RHPN1: variants seen among roughly 807,000 people sequenced by gnomAD.
RHPN1 encodes rhophilin Rho GTPase binding protein 1, also known as rhophilin-1.
In RHPN1, 77 loss-of-function variants were observed where a neutral mutation model predicts 74.7. The ratio of observed to expected loss-of-function variants is 1.03; its 90% confidence interval spans 0.86 to 1.25. The LOEUF is 1.25. RHPN1 is among the 50% of genes most tolerant of loss of function. The probability of loss-of-function intolerance (pLI) is 0.00; values close to 1 mark genes in which losing one functional copy is unlikely to be tolerated. For missense variants in RHPN1, 987 were observed against 932.2 expected, an observed-to-expected ratio of 1.06 and a Z score of -0.77; for synonymous variants, 444 against 414.5, an observed-to-expected ratio of 1.07 and a Z score of -0.87.
intron 10 of RHPN1, 42 bp from the exon 11 acceptor site, chr8:143,380,547 C>A (rs890876885): frequency 1.4e-6 from 2 of 1,429,642 alleles, no homozygotes; most frequent in Non-Finnish European, 1.8e-6. Flanking sequence ...CCAGGGCCCA[C>A]GGGCCCACAT....
In RHPN1 at chr8:143,379,827, A is replaced by G; in HGVS notation, c.946-2A>G. 1 of 1,606,832 alleles carries G rather than the reference A, an allele frequency of 6.2e-7. No individual in the cohort carries two copies. The highest frequency in any genetic ancestry group is 8.5e-7 in the Non-Finnish European group (1 of 1,176,888). On this transcript the variant is annotated splice_acceptor_variant, in intron 8 of 14. Transcript: ENST00000289013. LOFTEE classifies it high-confidence loss of function. Reference sequence around the variant, plus strand: ...TCGCGTGCCTGCCACATCCACCGGCAGGTGGCAGCCGAGTACAGGCTAGTG... The same window carrying G: ...TCGCGTGCCTGCCACATCCACCGGCGGGTGGCAGCCGAGTACAGGCTAGTG...
chr8:143,381,420 A>C, intron 12 of RHPN1, 76 bp downstream of exon 12: 2 of 1,474,806 alleles, frequency 1.4e-6, no homozygotes, highest in Non-Finnish European at 1.8e-6. Context: ...ACATGGCCTC[A>C]GACAGGCCAT....
chr8:143,380,341 G>T, intron 10 of RHPN1, 166 bp downstream of exon 10: 1 of 682,582 alleles, frequency 1.5e-6, no homozygotes, highest in Admixed American at 3.0e-5. Context: ...ACGGCCCAGC[G>T]CAGGGGCCCC....
intron 5 of RHPN1, 124 bp from the exon 6 acceptor site, chr8:143,378,571 GC>G: frequency 7.6e-7 from 1 of 1,322,912 alleles, no homozygotes. Context: ...AGTCACGGCT[GC>G]CCAGGGCCCC....
rs1441067502 is a variant in RHPN1, at chr8:143,379,054, A to C, written c.727A>C (p.Met243Leu). The C allele has an allele frequency of 6.5e-7, 1 of 1,533,746 alleles. No individual in the cohort carries two copies. Among genetic ancestry groups the C allele is most frequent in the East Asian group, 2.5e-5 (1 of 40,640 alleles). Residue 243 changes from methionine to leucine, a missense_variant, in exon 7 of 15, where the codon ATG becomes CTG. By Grantham distance (15) the Met-to-Leu change is conservative (BLOSUM62 2). Transcript: ENST00000289013. ...RSCTEGARRAMEAFQRAAGAF... is the reference protein window; with the variant it reads ...RSCTEGARRALEAFQRAAGAF... ...CTGCACCGAGGGTGCCCGCCGCGCT[A>C]TGGAGGCCTTCCAGAGGGCCGCTGG...
chr8:143,380,581 G>T lies in RHPN1; in HGVS notation c.1217-8G>T. On this transcript the variant is annotated splice_region_variant and splice_polypyrimidine_tract_variant and intron_variant, in intron 10 of 14. Coordinates refer to ENST00000289013, the MANE Select transcript of RHPN1 (RefSeq NM_052924.3). The stretch of plus-strand genomic sequence containing the variant: ...ATGGTGTGTGACATCCCAGTGCCCC[G>T]CGTGCAGGCAAGGCACACCTGAAGC... 6.7e-7 allele frequency: 1 copy of T among 1,488,820 alleles called. No individual in the cohort carries two copies. Among genetic ancestry groups the T allele is most frequent in the Non-Finnish European group, 9.0e-7 (1 of 1,114,900 alleles). The allele number at this position is 1,488,820 out of a possible 1,614,324, so 92.2% of individuals were successfully genotyped here.
chr8:143,378,356 T>TCGGGGGGGGGG lies in RHPN1; in HGVS notation c.459+11_459+12insGGGGGGGGGGC. 28 of 1,525,362 alleles carry TCGGGGGGGGGG rather than the reference T, an allele frequency of 1.8e-5. No homozygotes were observed. Among genetic ancestry groups the TCGGGGGGGGGG allele is most frequent in the Non-Finnish European group, 2.4e-5 (27 of 1,136,276 alleles). The allele number at this position is 1,525,362 out of a possible 1,614,324, so 94.5% of individuals were successfully genotyped here. On this transcript the variant is annotated intron_variant, in intron 5 of 14. Transcript: ENST00000289013. ...GGAGGCCCTGCGGCAGGTGTGTGGT[T>TCGGGGGGGGGG]CCCCCGCCCACCCACCCTCCTGCAG...
intron 4 of RHPN1, 124 bp downstream of exon 4, chr8:143,377,579 G>A: frequency 1.5e-6 from 1 of 668,234 alleles, no homozygotes; most frequent in South Asian, 2.0e-5. Flanking sequence ...GAGGGAGGGA[G>A]GCTTAAAAGG....
intron 2 of RHPN1, among the ~76,000 whole-genome samples, chr8:143,376,252 G>A (rs1292664869): frequency 1.4e-4 from 22 of 152,244 alleles, no homozygotes; most frequent in Admixed American, 1.4e-3. Flanking sequence ...GAGCCCCAAA[G>A]AAAGCCGTGG....
upstream of RHPN1, chr8:143,366,527 A>ACACACACG (rs1453472929): frequency 6.3e-4 from 95 of 150,968 alleles, 1 homozygote; most frequent in African/African-American, 2.2e-3. Context: ...ACACACACAC[A>ACACACACG]CACACGCACA....
At position 143,379,883 on chromosome 8, in the gene RHPN1, G is replaced by T. The variant is rs756435885; in HGVS notation, c.1000G>T (p.Asp334Tyr). Reference sequence around the variant, plus strand: ...GACCATGGCCCAGCCACCCGTCCACGACTACGTGCCTGTCTCCTGGACTGC... The same window carrying T: ...GACCATGGCCCAGCCACCCGTCCACTACTACGTGCCTGTCTCCTGGACTGC... The part of the protein sequence containing the change: ...HRTMAQPPVH[D>Y]YVPVSWTALV... The change falls in exon 9 of 15, where the codon GAC becomes TAC. Residue 334 changes from aspartate (D) to tyrosine (Y), a missense_variant. By Grantham distance (160) the Asp-to-Tyr change is radical. Coordinates refer to ENST00000289013, the MANE Select transcript of RHPN1 (RefSeq NM_052924.3). 3 of 1,610,450 alleles carry T rather than the reference G, an allele frequency of 1.9e-6. No homozygotes were observed. The highest frequency in any genetic ancestry group is 1.7e-6 in the Non-Finnish European group (2 of 1,178,848).
At chr8:143,370,636 C>T (rs1427730152) in intron 1 of RHPN1, among the ~76,000 whole-genome samples, 2 of 152,266 alleles carry the variant, frequency 1.3e-5, no homozygotes, top group Admixed American at 6.5e-5. Flanking sequence ...GGTGCCAGGG[C>T]CAGTGCTACA....
rs1166327101 is a variant in RHPN1 at position 143,381,951 on chromosome 8, T to A, written c.1780T>A (p.Ser594Thr). 24 of 1,601,222 alleles carry A rather than the reference T, an allele frequency of 1.5e-5. No homozygotes were observed. Among genetic ancestry groups the A allele is most frequent in the Non-Finnish European group, 2.0e-5 (23 of 1,174,036 alleles). Residue 594 changes from serine (S) to threonine (T), a missense_variant, in exon 14 of 15, where the codon TCT (serine) becomes ACT (threonine). Physicochemically the swap from Ser to Thr is moderately conservative, Grantham distance 58 (BLOSUM62 1). Coordinates refer to ENST00000289013, the MANE Select transcript of RHPN1 (RefSeq NM_052924.3). Reference protein sequence around the residue: ...SLQVVSLLPSSRLPSLGDRRP... With the variant: ...SLQVVSLLPSTRLPSLGDRRP... ...GCAGGTGGTGTCGCTGCTGCCCAGC[T>A]CTAGACTGCCCAGCTTGGTGAGCCC... is the stretch of plus-strand genomic sequence containing the variant.
rs146770345 is a variant in RHPN1, at chr8:143,371,005, T to G, written c.60+1958T>G. On this transcript the variant is annotated intron_variant, in intron 1 of 14. Coordinates refer to ENST00000289013, the MANE Select transcript of RHPN1 (RefSeq NM_052924.3). ...TCAGCCTGAGGTTCCCCAGCCTGGCTGGACAGGAGCACCCTCTGGGTGCTG... is the reference window on the plus strand; with the variant it reads ...TCAGCCTGAGGTTCCCCAGCCTGGCGGGACAGGAGCACCCTCTGGGTGCTG... Among the ~76,000 whole-genome samples the G allele has an allele frequency of 4.1e-3, 625 of 152,236 alleles. 4 individuals carry two copies. Among genetic ancestry groups the G allele is most frequent in the Non-Finnish European group, 5.6e-3 (380 of 67,976 alleles).
chr8:143,381,411 C>T (rs925961565), intron 12 of RHPN1, 67 bp downstream of exon 12: 4 of 1,503,834 alleles, frequency 2.7e-6, no homozygotes, highest in Non-Finnish European at 3.6e-6. Flanking sequence ...CTGACCAGCA[C>T]ATGGCCTCAG....
intron 4 of RHPN1, among the ~76,000 whole-genome samples, chr8:143,377,833 A>G (rs1818385733): frequency 1.3e-5 from 2 of 152,178 alleles, no homozygotes; most frequent in South Asian, 4.1e-4. Flanking sequence ...CTGGCTCACG[A>G]GGGTCCTGGG....
intron 1 of RHPN1, among the ~76,000 whole-genome samples, chr8:143,371,774 G>A (rs1817836923): frequency 6.6e-6 from 1 of 152,228 alleles, no homozygotes; most frequent in Non-Finnish European, 1.5e-5. Flanking sequence ...GGCCACAGTG[G>A]GGTGTCAGGG....
At chr8:143,368,425 C>G (rs778757769), upstream of RHPN1, 2 of 152,542 alleles carry the variant, frequency 1.3e-5, no homozygotes, top group African/African-American at 4.8e-5. Flanking sequence ...TGGAACAAGC[C>G]TCTTAGAGGG....
chr8:143,379,179 C>T (rs1260137232), intron 7 of RHPN1, 101 bp downstream of exon 7: 2 of 1,394,372 alleles, frequency 1.4e-6, no homozygotes, highest in South Asian at 1.5e-5. Flanking sequence ...GACATCAGTC[C>T]CTCAGGTAGG....
Sources: allele counts gnomAD v4.1 joint callset (sites outside exome capture counted in the v4.1 genomes callset), GRCh38; gene constraint gnomAD v4.1.1; transcripts MANE v1.5; gene names NCBI Gene and HGNC (gene_info 2026-07-23, HGNC 2026-07-21).